Variants in KLRG2 observed in about 807,000 individuals in gnomAD.
The protein encoded by KLRG2 is killer cell lectin-like receptor subfamily G member 2.
In KLRG2, 39 loss-of-function variants were observed where a neutral mutation model predicts 35.4. That is an observed-to-expected ratio of 1.10 (90% CI 0.85 to 1.44). The LOEUF (loss-of-function observed/expected upper bound fraction) is 1.44, where lower values mean the gene tolerates loss of function less well. Ranked by LOEUF, KLRG2 falls within the 40% of genes most tolerant of loss-of-function variation. The pLI is 0.00. For synonymous variants in KLRG2, 283 were observed against 265.8 expected (o/e 1.06, Z -0.63); for missense variants, 632 against 570.9 (o/e 1.11, Z -1.09).
intron 3 of KLRG2, among the ~76,000 whole-genome samples, chr7:139,455,313 C>T (rs1427405447): frequency 8.0e-5 from 12 of 149,924 alleles, no homozygotes; most frequent in East Asian, 2.0e-4. Flanking sequence ...CCACTGTACC[C>T]GGCCAAGATT....
intron 3 of KLRG2, among the ~76,000 whole-genome samples, chr7:139,477,637 C>A (rs1026231262): frequency 6.6e-6 from 1 of 151,954 alleles, no homozygotes; most frequent in South Asian, 2.1e-4. Flanking sequence ...TTGTACAAGA[C>A]GAAAAGAGTT....
chr7:139,457,796 G>A (rs542416602), intron 3 of KLRG2, among the ~76,000 whole-genome samples: 3 of 152,104 alleles, frequency 2.0e-5, no homozygotes, highest in South Asian at 2.1e-4. Context: ...TTTTCCTTGC[G>A]TTTGAGACTC....
chr7:139,427,563 CT>C, the KLRG2 span, among the ~76,000 whole-genome samples: 2 of 152,156 alleles, frequency 1.3e-5, no homozygotes, highest in Non-Finnish European at 2.9e-5. Context: ...TGTTGGCTAC[CT>C]GTAAAAGAAA....
At chr7:139,466,276 A>G (rs902646124) in intron 3 of KLRG2, among the ~76,000 whole-genome samples, 2 of 152,142 alleles carry the variant, frequency 1.3e-5, no homozygotes, top group South Asian at 4.2e-4. Flanking sequence ...GGTGGGTAGA[A>G]GCCTTTCCCA....
the KLRG2 span, among the ~76,000 whole-genome samples, chr7:139,439,653 T>C: frequency 6.6e-6 from 1 of 152,110 alleles, no homozygotes; most frequent in Non-Finnish European, 1.5e-5. Flanking sequence ...CTCCCCAATT[T>C]CTGGCACGTG....
intron 1 of KLRG2, among the ~76,000 whole-genome samples, chr7:139,482,560 T>C (rs1796978941): frequency 3.9e-5 from 6 of 152,028 alleles, no homozygotes; most frequent in Admixed American, 3.9e-4. Flanking sequence ...GCCAGGCTAA[T>C]TTTTGTATTT....
the KLRG2 span, among the ~76,000 whole-genome samples, chr7:139,440,720 G>T: frequency 6.6e-6 from 1 of 152,108 alleles, no homozygotes; most frequent in South Asian, 2.1e-4. Context: ...TAGTAGCTGG[G>T]ACTACAAGCT....
intron 3 of KLRG2, among the ~76,000 whole-genome samples, chr7:139,457,041 T>TTC (rs1185873310): frequency 6.6e-6 from 1 of 152,156 alleles, no homozygotes; most frequent in East Asian, 1.9e-4. Flanking sequence ...CACCAGTCAG[T>TTC]TAACAGCCCA....
At chr7:139,458,095 C>T (rs184182940) in intron 3 of KLRG2, among the ~76,000 whole-genome samples, 181 of 152,176 alleles carry the variant, frequency 1.2e-3, no homozygotes, top group Non-Finnish European at 1.2e-3. Context: ...AAAAGATTCA[C>T]GGCCAGGCAT....
chr7:139,433,740 A>G, the KLRG2 span, among the ~76,000 whole-genome samples: 1 of 147,438 alleles, frequency 6.8e-6, no homozygotes, highest in Non-Finnish European at 1.5e-5. Context: ...GGTTCAAGTT[A>G]TTCTTCTGCC....
At chr7:139,463,584 C>G (rs1796604608) in intron 3 of KLRG2, among the ~76,000 whole-genome samples, 1 of 152,232 alleles carries the variant, frequency 6.6e-6, no homozygotes, top group African/African-American at 2.4e-5. Context: ...AATCTGGCCA[C>G]TGGGCCAAGG....
the KLRG2 span, among the ~76,000 whole-genome samples, chr7:139,429,627 C>T: frequency 6.6e-6 from 1 of 151,800 alleles, no homozygotes; most frequent in Non-Finnish European, 1.5e-5. Context: ...CATCTTGCAC[C>T]ACCCTTAATC....
chr7:139,468,427 A>T (rs1157548151), intron 3 of KLRG2, among the ~76,000 whole-genome samples: 1 of 152,106 alleles, frequency 6.6e-6, no homozygotes, highest in Non-Finnish European at 1.5e-5. Flanking sequence ...CCTGGCTCAT[A>T]AGCTCCCCAA....
At chr7:139,467,824 T>C (rs1343928626) in intron 3 of KLRG2, among the ~76,000 whole-genome samples, 1 of 112,404 alleles carries the variant, frequency 8.9e-6, no homozygotes, top group East Asian at 2.0e-4. Flanking sequence ...CGACACCCAG[T>C]AAAGGGTCTG....
intron 4 of KLRG2, 84 bp downstream of exon 4, chr7:139,454,026 TA>T: frequency 1.1e-6 from 1 of 899,312 alleles, no homozygotes; most frequent in Non-Finnish European, 1.8e-6. Context: ...CATTCCAGGC[TA>T]GGGGAGCAGC....
Position 139,483,321 on chromosome 7 carries a change from C to A in KLRG2, c.322G>T (p.Glu108Ter), listed in dbSNP as rs772088472. ...PALVKLPRNG[E>*]APGAEPAPSA... Reference sequence around the variant, plus strand: ...GGCGCAGGCTCAGCCCCGGGCGCCTCGCCATTCCGGGGCAGCTTGACCAAG... The same window carrying A: ...GGCGCAGGCTCAGCCCCGGGCGCCTAGCCATTCCGGGGCAGCTTGACCAAG... The change falls in exon 1 of 5, where the codon GAG becomes TAG. Residue 108 changes from glutamate (E) to a stop codon, truncating the protein, a stop_gained. Transcript: ENST00000340940. LOFTEE classifies it high-confidence loss of function. 1 of 1,548,492 alleles carries A rather than the reference C, an allele frequency of 6.5e-7. No homozygotes were observed. Among genetic ancestry groups the A allele is most frequent in the East Asian group, 2.5e-5 (1 of 40,018 alleles).
At chr7:139,465,421 G>T (rs1019657792) in intron 3 of KLRG2, among the ~76,000 whole-genome samples, 1 of 152,140 alleles carries the variant, frequency 6.6e-6, no homozygotes, top group Non-Finnish European at 1.5e-5. Flanking sequence ...CACCGGGCGC[G>T]GTGGCTCACG....
intron 3 of KLRG2, among the ~76,000 whole-genome samples, chr7:139,472,622 G>A (rs1280030147): frequency 6.6e-6 from 1 of 151,386 alleles, no homozygotes; most frequent in African/African-American, 2.4e-5. Context: ...CATCAGATGA[G>A]AAACATCAAC....
chr7:139,440,148 C>T, the KLRG2 span, among the ~76,000 whole-genome samples: 1 of 152,074 alleles, frequency 6.6e-6, no homozygotes. Flanking sequence ...CTTGCTCTGT[C>T]GCCCAGGCTG....
Sources: allele counts gnomAD v4.1 joint callset (sites outside exome capture counted in the v4.1 genomes callset), GRCh38; gene constraint gnomAD v4.1.1; transcripts MANE v1.5; gene names NCBI Gene and HGNC (gene_info 2026-07-23, HGNC 2026-07-21).